Variants in BUD13 observed in about 807,000 individuals in gnomAD.
BUD13 encodes BUD13 spliceosome associated protein, also known as BUD13 homolog.
BUD13 carries 47 observed loss-of-function variants against 62.5 expected under a neutral mutation model. That is an observed-to-expected ratio of 0.75 (90% CI 0.60 to 0.96). The LOEUF (loss-of-function observed/expected upper bound fraction) is 0.96, where lower values mean the gene tolerates loss of function less well. Among genes scored for constraint, BUD13 ranks in the 40% least tolerant of loss-of-function variants. The pLI is 0.00. For missense variants in BUD13, 821 were observed against 790.9 expected, an observed-to-expected ratio of 1.04 and a Z score of -0.46; for synonymous variants, 293 against 280.1, an observed-to-expected ratio of 1.05 and a Z score of -0.46.
At chr11:116,755,286 G>C (rs1940303386) in intron 9 of BUD13, among the ~76,000 whole-genome samples, 1 of 152,154 alleles carries the variant, frequency 6.6e-6, no homozygotes, top group Non-Finnish European at 1.5e-5. Flanking sequence ...ATTATTTAAA[G>C]AGTTTTGTGA....
intron 9 of BUD13, among the ~76,000 whole-genome samples, chr11:116,751,065 C>A (rs1283989876): frequency 6.6e-6 from 1 of 152,210 alleles, no homozygotes; most frequent in Admixed American, 6.5e-5. Context: ...TTAGGAAGCA[C>A]TTCCTGATCA....
chr11:116,751,351 G>A (rs1213601761), intron 9 of BUD13, among the ~76,000 whole-genome samples: 1 of 152,158 alleles, frequency 6.6e-6, no homozygotes, highest in Non-Finnish European at 1.5e-5. Flanking sequence ...AAGCTTGGCC[G>A]GACATGGTGG....
In BUD13 at chr11:116,762,643, T is replaced by C; in HGVS notation, c.946A>G (p.Ser316Gly). ...ATGTCAGGGTCATACTCATATTTGCTGTTCTTTGGGAATGACAAATGGGAG... is the reference window on the plus strand; with the variant it reads ...ATGTCAGGGTCATACTCATATTTGCCGTTCTTTGGGAATGACAAATGGGAG... ...GASHLSFPKNSKYEYDPDISP... is the reference protein window; with the variant it reads ...GASHLSFPKNGKYEYDPDISP... Residue 316 changes from serine (S) to glycine (G), a missense_variant, in exon 4 of 10, where the codon AGC becomes GGC. By Grantham distance (56) the Ser-to-Gly change is moderately conservative. Transcript: ENST00000260210. 6.2e-7 allele frequency: 1 copy of C among 1,614,232 alleles called. No homozygotes were observed. Among genetic ancestry groups the C allele is most frequent in the Non-Finnish European group, 8.5e-7 (1 of 1,180,038 alleles).
chr11:116,770,326 C>T (rs1940601764), intron 1 of BUD13, 104 bp from the exon 2 acceptor site: 16 of 927,088 alleles, frequency 1.7e-5, no homozygotes, highest in Non-Finnish European at 2.5e-5. Flanking sequence ...CAGGATCCTG[C>T]ATGGTCCAGT....
At chr11:116,758,472 A>C in intron 6 of BUD13, 65 bp from the exon 7 acceptor site, 1 of 1,560,766 alleles carries the variant, frequency 6.4e-7, no homozygotes, top group Non-Finnish European at 8.7e-7. Flanking sequence ...AAGAGATCAA[A>C]TCAACCGCTT....
At chr11:116,765,507 C>A (rs937504653) in intron 2 of BUD13, 61 bp from the exon 3 acceptor site, 1 of 1,572,386 alleles carries the variant, frequency 6.4e-7, no homozygotes, top group Admixed American at 1.7e-5. Context: ...GAAGCACTGT[C>A]TCAAGAACCT....
At chr11:116,750,675 T>C (rs1391758846) in intron 9 of BUD13, among the ~76,000 whole-genome samples, 1 of 152,254 alleles carries the variant, frequency 6.6e-6, no homozygotes, top group Non-Finnish European at 1.5e-5. Context: ...GCAAAAGCCT[T>C]GTATCTGTTC....
At chr11:116,753,262 G>A (rs987528067) in intron 9 of BUD13, among the ~76,000 whole-genome samples, 1 of 152,090 alleles carries the variant, frequency 6.6e-6, no homozygotes, top group Non-Finnish European at 1.5e-5. Flanking sequence ...GAAATTAGGG[G>A]GGAAATCTTG....
intron 3 of BUD13, among the ~76,000 whole-genome samples, chr11:116,764,761 C>T (rs1940499119): frequency 6.6e-6 from 1 of 152,176 alleles, no homozygotes; most frequent in African/African-American, 2.4e-5. Flanking sequence ...CTAGTCTATG[C>T]TCAAACAGAT....
Position 116,762,730 on chromosome 11 carries a change from T to C in BUD13, c.859A>G (p.Ser287Gly), listed in dbSNP as rs1940453320. 2 of 1,614,180 alleles carry C rather than the reference T, an allele frequency of 1.2e-6. No individual in the cohort carries two copies. The highest frequency in any genetic ancestry group is 2.7e-5 in the African/African-American group (2 of 75,046). The change falls in exon 4 of 10, where the codon AGT becomes GGT. Residue 287 changes from serine (S) to glycine (G), a missense_variant. Ser to Gly is a moderately conservative substitution (Grantham distance 56, BLOSUM62 0). Coordinates refer to ENST00000260210, the MANE Select transcript of BUD13 (RefSeq NM_032725.4). ...NVTYSLPRTK[S>G]GKAPERASSK... is the part of the protein sequence containing the mutation. ...GAGGCTCTTTCTGGGGCTTTACCACTTTTGGTTCTGGGCAGGGAATAAGTG... is the reference window on the plus strand; with the variant it reads ...GAGGCTCTTTCTGGGGCTTTACCACCTTTGGTTCTGGGCAGGGAATAAGTG...
At chr11:116,761,370 T>C (rs1940429533) in intron 4 of BUD13, among the ~76,000 whole-genome samples, 1 of 152,108 alleles carries the variant, frequency 6.6e-6, no homozygotes, top group East Asian at 1.9e-4. Context: ...TTTAATCCCC[T>C]TGGAAGAATC....
rs528947462 is a variant in BUD13, at chr11:116,753,569, T to C, written c.1766+3577A>G. Among the ~76,000 whole-genome samples, 4 of 152,288 alleles carry C rather than the reference T, an allele frequency of 2.6e-5. No individual in the cohort carries two copies. The East Asian group carries it at 7.7e-4, about 29-fold the overall frequency. ...ACAGTGTATCATTCATGATGCGTAG[T>C]AACAATTTTAAAAAGTGACCAGACA... On this transcript the variant is annotated intron_variant, in intron 9 of 9. Coordinates refer to ENST00000260210, the MANE Select transcript of BUD13 (RefSeq NM_032725.4).
intron 9 of BUD13, among the ~76,000 whole-genome samples, chr11:116,752,185 A>T (rs903479591): frequency 1.3e-5 from 2 of 152,046 alleles, no homozygotes; most frequent in South Asian, 2.1e-4. Flanking sequence ...TGACCTCGTG[A>T]TCTGCCCGCC....
chr11:116,756,129 A>G (rs976960380), intron 9 of BUD13, among the ~76,000 whole-genome samples: 1 of 151,998 alleles, frequency 6.6e-6, no homozygotes, highest in African/African-American at 2.4e-5. Flanking sequence ...AATTGCTTGA[A>G]CCCGGGAAGT....
At chr11:116,762,121 G>A (rs182518332) in intron 4 of BUD13, among the ~76,000 whole-genome samples, 10 of 152,292 alleles carry the variant, frequency 6.6e-5, no homozygotes. Flanking sequence ...TATGGCCTGA[G>A]GAAGACTACG....
Position 116,757,871 on chromosome 11 carries a change from C to A in BUD13, c.1579G>T (p.Asp527Tyr), listed in dbSNP as rs1248435638. ...AGCATCCTATCCAGATCTTCGTCAT[C>A]AATATAGCGGGCCAGAGGCTTTTGC... is the stretch of plus-strand genomic sequence containing the variant. ...EMQKPLARYIDDEDLDRMLRE... is the reference protein window; with the variant it reads ...EMQKPLARYIYDEDLDRMLRE... The change falls in exon 8 of 10, where the codon GAT (aspartate) becomes TAT (tyrosine). Residue 527 changes from aspartate (D) to tyrosine (Y), a missense_variant. Coordinates refer to ENST00000260210, the MANE Select transcript of BUD13 (RefSeq NM_032725.4). 1 of 1,614,084 alleles carries A rather than the reference C, an allele frequency of 6.2e-7. No individual in the cohort carries two copies. Among genetic ancestry groups the A allele is most frequent in the Non-Finnish European group, 8.5e-7 (1 of 1,180,054 alleles).
At position 116,752,007 on chromosome 11, in the gene BUD13, G is replaced by A. The variant is rs586248; in HGVS notation, c.1767-3432C>T. Among the ~76,000 whole-genome samples, 304 of 152,228 alleles carry A rather than the reference G, an allele frequency of 2.0e-3. 1 individual carries two copies. The highest frequency in any genetic ancestry group is 6.5e-3 in the African/African-American group (270 of 41,546). On this transcript the variant is annotated intron_variant, in intron 9 of 9. Coordinates refer to ENST00000260210, the MANE Select transcript of BUD13 (RefSeq NM_032725.4). ...TGCCCAGGCTGGAGTGCAGTGGCAC[G>A]ATCTCGGCTCACTGCAAGCTCCGCT...
intron 2 of BUD13, among the ~76,000 whole-genome samples, chr11:116,769,575 T>C (rs1421044048): frequency 6.6e-6 from 1 of 152,214 alleles, no homozygotes; most frequent in Non-Finnish European, 1.5e-5. Flanking sequence ...CTAACACTGA[T>C]GTCGAGAAGT....
chr11:116,757,682 T>G, intron 8 of BUD13, 84 bp downstream of exon 8: 1 of 1,353,618 alleles, frequency 7.4e-7, no homozygotes, highest in Non-Finnish European at 1.0e-6. Flanking sequence ...TGGGAAATCC[T>G]TCTTTGCATA....
Sources: allele counts gnomAD v4.1 joint callset (sites outside exome capture counted in the v4.1 genomes callset), GRCh38; gene constraint gnomAD v4.1.1; transcripts MANE v1.5; gene names NCBI Gene and HGNC (gene_info 2026-07-23, HGNC 2026-07-21).